The following RIMS4 variants were observed in gnomAD, a reference collection of about 807,000 sequenced individuals.
RIMS4 encodes regulating synaptic membrane exocytosis protein 4.
RIMS4 carries 9 observed loss-of-function variants against 29.0 expected under a neutral mutation model. The observed-to-expected ratio is 0.31, with a 90% CI of 0.19 to 0.54. The LOEUF (loss-of-function observed/expected upper bound fraction) is 0.54. Among genes scored for constraint, RIMS4 ranks in the 20% least tolerant of loss-of-function variants. The probability of loss-of-function intolerance (pLI) is 0.94; values close to 1 mark genes in which losing one functional copy is unlikely to be tolerated. For synonymous variants in RIMS4, 130 were observed against 152.9 expected (o/e 0.85, Z 1.10); for missense variants, 193 against 365.7 (o/e 0.53, Z 3.85).
chr20:44,765,155 G>A (rs1441731525), intron 2 of RIMS4, among the ~76,000 whole-genome samples: 3 of 152,196 alleles, frequency 2.0e-5, no homozygotes, highest in African/African-American at 7.2e-5. Flanking sequence ...TCTGCTAGGA[G>A]TGGCAGACCT....
At chr20:44,778,449 G>T (rs1272538207) in intron 1 of RIMS4, among the ~76,000 whole-genome samples, 1 of 152,180 alleles carries the variant, frequency 6.6e-6, no homozygotes, top group Non-Finnish European at 1.5e-5. Flanking sequence ...GCCAAGATGG[G>T]AGGACTGCTT....
chr20:44,783,853 G>A (rs1459588449), intron 1 of RIMS4, among the ~76,000 whole-genome samples: 4 of 152,188 alleles, frequency 2.6e-5, no homozygotes, highest in East Asian at 3.8e-4. Context: ...GAATGCTCAC[G>A]GGTATAGGGT....
intron 1 of RIMS4, among the ~76,000 whole-genome samples, chr20:44,802,725 T>A (rs1436695683): frequency 2.0e-5 from 3 of 152,214 alleles, no homozygotes; most frequent in Admixed American, 6.5e-5. Flanking sequence ...TTCACCCAGC[T>A]GGGGGCCTTT....
intron 1 of RIMS4, among the ~76,000 whole-genome samples, chr20:44,792,870 G>T (rs2066238951): frequency 6.6e-6 from 1 of 152,178 alleles, no homozygotes; most frequent in South Asian, 2.1e-4. Context: ...GGTCTGTGGG[G>T]TCAGAAGAAC....
In RIMS4 at chr20:44,752,157, C is replaced by T. The variant is rs1337810421; in HGVS notation, c.*3977G>A. 1.3e-5 allele frequency: 2 copies of T among 152,244 alleles called. No homozygotes were observed. Among genetic ancestry groups the T allele is most frequent in the Admixed American group, 6.5e-5 (1 of 15,278 alleles). The allele number at this position is 152,244 out of a possible 1,614,324, so 9.4% of individuals were successfully genotyped here. The stretch of plus-strand genomic sequence containing the variant: ...TCACAGGCTCGGCGTCGGGTGAGCT[C>T]GTGGACGCTAATGCTTTCTGTCCAC... On this transcript the variant is annotated 3_prime_UTR_variant, in exon 6 of 6. Coordinates refer to ENST00000372851, the MANE Select transcript of RIMS4 (RefSeq NM_182970.4).
At position 44,756,922 on chromosome 20, in the gene RIMS4, C is replaced by T. The variant is rs1344067777; in HGVS notation, c.567G>A (p.Glu189=). ...PLYNQVLLFP[E]SPQGKVLQVI... ...CCTGGAGGACTTTGCCCTGGGGACTCTCAGGAAACAGCAGCACCTGGTTAT... is the reference window on the plus strand; with the variant it reads ...CCTGGAGGACTTTGCCCTGGGGACTTTCAGGAAACAGCAGCACCTGGTTAT... Residue 189 remains glutamate (E), a synonymous_variant, in exon 5 of 6, where the codon GAG becomes GAA. Coordinates refer to ENST00000372851, the MANE Select transcript of RIMS4 (RefSeq NM_182970.4). This position sits in a 1 kb window ranked among gnomAD's most constrained non-coding sequence, Gnocchi z 5.9. The T allele has an allele frequency of 6.2e-7, 1 of 1,614,056 alleles. No homozygotes were observed. Among genetic ancestry groups the T allele is most frequent in the Non-Finnish European group, 8.5e-7 (1 of 1,179,968 alleles).
At chr20:44,807,758 C>T (rs112983421) in intron 1 of RIMS4, among the ~76,000 whole-genome samples, 6 of 152,138 alleles carry the variant, frequency 3.9e-5, no homozygotes, top group South Asian at 2.1e-4. Context: ...ACCAAGACAA[C>T]GCTGCCTACT....
chr20:44,805,777 G>C (rs557001268), intron 1 of RIMS4, among the ~76,000 whole-genome samples: 1 of 152,288 alleles, frequency 6.6e-6, no homozygotes, highest in African/African-American at 2.4e-5. Flanking sequence ...GGAATAAAGG[G>C]GGAGGGGGAG....
At chr20:44,789,445 C>A (rs754082677) in intron 1 of RIMS4, among the ~76,000 whole-genome samples, 2 of 152,154 alleles carry the variant, frequency 1.3e-5, no homozygotes, top group Admixed American at 6.5e-5. Context: ...GGCAGGCACC[C>A]GCCACCACAC....
intron 2 of RIMS4, among the ~76,000 whole-genome samples, chr20:44,763,720 C>T (rs768093282): frequency 1.4e-4 from 22 of 152,180 alleles, no homozygotes; most frequent in Non-Finnish European, 3.1e-4. Context: ...TTATTATTAA[C>T]CTCTGAGCTT....
intron 1 of RIMS4, among the ~76,000 whole-genome samples, chr20:44,792,658 T>A (rs1260582084): frequency 6.6e-6 from 1 of 152,176 alleles, no homozygotes; most frequent in Non-Finnish European, 1.5e-5. Flanking sequence ...AGTTTCCTCA[T>A]CTGCACAATG....
intron 1 of RIMS4, among the ~76,000 whole-genome samples, chr20:44,782,954 C>T (rs2066191223): frequency 6.6e-6 from 1 of 152,092 alleles, no homozygotes; most frequent in African/African-American, 2.4e-5. Flanking sequence ...TCTCTCATAC[C>T]CCTTGTGGGA....
At chr20:44,809,618 T>TA (rs2066314237) in intron 1 of RIMS4, among the ~76,000 whole-genome samples, 1 of 152,046 alleles carries the variant, frequency 6.6e-6, no homozygotes. Context: ...CCCAGGCGTA[T>TA]AAGAAGCAGG....
At chr20:44,784,294 G>T (rs1055139918) in intron 1 of RIMS4, among the ~76,000 whole-genome samples, 2 of 152,170 alleles carry the variant, frequency 1.3e-5, no homozygotes, top group African/African-American at 4.8e-5. Context: ...TGGAAATGAG[G>T]GAATTCCTTC....
chr20:44,780,920 T>C (rs1488303712), intron 1 of RIMS4, among the ~76,000 whole-genome samples: 1 of 152,080 alleles, frequency 6.6e-6, no homozygotes. Flanking sequence ...AGGGGAAAGA[T>C]TTTGTGAGAA....
At chr20:44,757,920 C>T in intron 3 of RIMS4, 149 bp from the exon 4 acceptor site, 1 of 939,868 alleles carries the variant, frequency 1.1e-6, no homozygotes, top group Non-Finnish European at 1.7e-6. Context: ...AGTGCCTAGG[C>T]TCTGCTGAGG....
At chr20:44,767,853 A>G (rs1419614053) in intron 2 of RIMS4, among the ~76,000 whole-genome samples, 1 of 152,210 alleles carries the variant, frequency 6.6e-6, no homozygotes, top group African/African-American at 2.4e-5. Flanking sequence ...CATTATTACC[A>G]TTAAGCCAGG....
intron 1 of RIMS4, among the ~76,000 whole-genome samples, chr20:44,796,053 A>G (rs1180205180): frequency 1.3e-5 from 2 of 150,080 alleles, no homozygotes; most frequent in African/African-American, 4.9e-5. Context: ...TCCCATCACT[A>G]TCAAGTCTGT....
intron 1 of RIMS4, among the ~76,000 whole-genome samples, chr20:44,800,950 C>T (rs2066275193): frequency 6.6e-6 from 1 of 152,226 alleles, no homozygotes; most frequent in Non-Finnish European, 1.5e-5. Context: ...CCCAGATGTG[C>T]ACATCACATC....
Sources: allele counts gnomAD v4.1 joint callset (sites outside exome capture counted in the v4.1 genomes callset), GRCh38; gene constraint gnomAD v4.1.1; non-coding constraint Gnocchi (gnomAD v3.1); transcripts MANE v1.5; gene names NCBI Gene and HGNC (gene_info 2026-07-23, HGNC 2026-07-21).